Variants in NRG3 observed in about 807,000 individuals in gnomAD.
The protein encoded by NRG3 is pro-neuregulin-3, membrane-bound isoform.
In NRG3, 31 loss-of-function variants were observed where a neutral mutation model predicts 66.9. That is an observed-to-expected ratio of 0.46 (90% confidence interval 0.35 to 0.63). NRG3 has a LOEUF of 0.63. Among genes scored for constraint, NRG3 ranks in the 20% least tolerant of loss-of-function variants. NRG3 has a pLI of 0.00. For synonymous variants in NRG3, 393 were observed against 359.4 expected (o/e 1.09, Z -1.06); for missense variants, 910 against 878.9 (o/e 1.04, Z -0.45).
chr10:82,190,597 T>C (rs1686559347), intron 1 of NRG3, among the ~76,000 whole-genome samples: 2 of 152,212 alleles, frequency 1.3e-5, no homozygotes, highest in South Asian at 4.1e-4. Flanking sequence ...AATTGGGAGA[T>C]AGTGGTTTCA....
chr10:82,377,093 T>G (rs1276644998), intron 2 of NRG3, among the ~76,000 whole-genome samples: 2 of 152,228 alleles, frequency 1.3e-5, no homozygotes, highest in African/African-American at 4.8e-5. Context: ...CTTTGATTGA[T>G]GTATATTTTT....
At chr10:82,379,857 A>T (rs981851394) in intron 2 of NRG3, among the ~76,000 whole-genome samples, 1 of 150,534 alleles carries the variant, frequency 6.6e-6, no homozygotes, top group Non-Finnish European at 1.5e-5. Context: ...TGTAGGGCAT[A>T]AAAAAAAAGG....
intron 3 of NRG3, among the ~76,000 whole-genome samples, chr10:82,766,424 C>T (rs2059513806): frequency 6.6e-6 from 1 of 152,162 alleles, no homozygotes; most frequent in Non-Finnish European, 1.5e-5. Flanking sequence ...ACTTCTTTCA[C>T]ACTTTTGTCT....
intron 1 of NRG3, among the ~76,000 whole-genome samples, chr10:82,095,106 G>T (rs572888733): frequency 2.6e-5 from 4 of 152,030 alleles, no homozygotes; most frequent in African/African-American, 9.7e-5. Context: ...ATCCTACTGT[G>T]TGAAATTTGG....
chr10:82,609,849 A>G (rs929554072), intron 2 of NRG3, among the ~76,000 whole-genome samples: 1 of 152,222 alleles, frequency 6.6e-6, no homozygotes, highest in Admixed American at 6.5e-5. Context: ...TTTTCCATTT[A>G]TATCACAACA....
At chr10:82,408,102 A>G (rs189985236) in intron 2 of NRG3, among the ~76,000 whole-genome samples, 17 of 135,374 alleles carry the variant, frequency 1.3e-4, no homozygotes, top group African/African-American at 4.0e-4. Flanking sequence ...AAAGAAAGAA[A>G]GAAAGAAAGA....
At chr10:82,444,443 G>T (rs2090609441) in intron 2 of NRG3, among the ~76,000 whole-genome samples, 1 of 152,070 alleles carries the variant, frequency 6.6e-6, no homozygotes, top group Admixed American at 6.6e-5. Context: ...AGAAGAAGTT[G>T]GGATAATTCA....
intron 2 of NRG3, among the ~76,000 whole-genome samples, chr10:82,469,024 T>C (rs903241127): frequency 6.6e-6 from 1 of 152,226 alleles, no homozygotes; most frequent in African/African-American, 2.4e-5. Context: ...TCAGCTAGGT[T>C]TTAGCTTCTT....
At chr10:82,350,978 G>A (rs1160943702) in intron 1 of NRG3, among the ~76,000 whole-genome samples, 2 of 151,506 alleles carry the variant, frequency 1.3e-5, no homozygotes, top group African/African-American at 2.4e-5. Flanking sequence ...TGCAAGCTCC[G>A]CCTCCTGGGT....
Position 82,479,421 on chromosome 10 carries a change from G to C in NRG3, c.953+120553G>C, listed in dbSNP as rs139992357. On this transcript the variant is annotated intron_variant, in intron 2 of 8. Transcript: ENST00000372141. ...TTGGCACATAGTAAAAAAACTGGCC[G>C]GGCGCGGTGGCTCATGCCTGTAATC... is the stretch of plus-strand genomic sequence containing the variant. Among the ~76,000 whole-genome samples, 759 of 151,628 alleles carry C rather than the reference G, an allele frequency of 5.0e-3. 6 individuals are homozygous for C. The highest frequency in any genetic ancestry group is 0.014 in the African/African-American group (588 of 41,302).
At chr10:82,289,993 G>C (rs1195137585) in intron 1 of NRG3, among the ~76,000 whole-genome samples, 1 of 152,186 alleles carries the variant, frequency 6.6e-6, no homozygotes, top group Non-Finnish European at 1.5e-5. Flanking sequence ...TCAAGTAAGT[G>C]TATGGCATCT....
chr10:82,423,788 A>G (rs1056002471), intron 2 of NRG3, among the ~76,000 whole-genome samples: 3 of 151,978 alleles, frequency 2.0e-5, no homozygotes, highest in Non-Finnish European at 4.4e-5. Flanking sequence ...GAAACCTCAT[A>G]CCATTAGCTG....
intron 2 of NRG3, among the ~76,000 whole-genome samples, chr10:82,437,751 G>A (rs1368291449): frequency 2.0e-5 from 3 of 152,070 alleles, no homozygotes; most frequent in Admixed American, 6.5e-5. Context: ...TGTTGATGAT[G>A]CTATTGTTGT....
chr10:82,731,221 G>A (rs192860238), intron 2 of NRG3, among the ~76,000 whole-genome samples: 1 of 151,942 alleles, frequency 6.6e-6, no homozygotes, highest in African/African-American at 2.4e-5. Context: ...ACAAAACTTA[G>A]CCAGGCATGG....
At chr10:82,591,389 AG>A (rs1333611905) in intron 2 of NRG3, among the ~76,000 whole-genome samples, 3 of 152,254 alleles carry the variant, frequency 2.0e-5, no homozygotes, top group Non-Finnish European at 2.9e-5. Flanking sequence ...CAAACTTGGC[AG>A]GATCCCATGA....
chr10:82,375,604 C>T (rs919659380), intron 2 of NRG3, among the ~76,000 whole-genome samples: 1 of 151,484 alleles, frequency 6.6e-6, no homozygotes, highest in Admixed American at 6.6e-5. Flanking sequence ...CATGACAAAA[C>T]GCCAAAACGC....
chr10:82,019,556 C>T (rs1347520718), intron 1 of NRG3, among the ~76,000 whole-genome samples: 1 of 152,106 alleles, frequency 6.6e-6, no homozygotes, highest in African/African-American at 2.4e-5. Flanking sequence ...GGCTGTGAAT[C>T]CATCTGGTCC....
intron 3 of NRG3, among the ~76,000 whole-genome samples, chr10:82,865,079 A>T (rs1157493553): frequency 6.6e-6 from 1 of 152,212 alleles, no homozygotes; most frequent in Non-Finnish European, 1.5e-5. Context: ...TGAAAAGAAT[A>T]TTAGTGCCAG....
Position 82,707,978 on chromosome 10 carries a change from C to T in NRG3, c.954-30599C>T, listed in dbSNP as rs143183736. 5.5e-3 allele frequency among the ~76,000 whole-genome samples: 833 copies of T among 151,864 alleles called. 10 individuals carry two copies. The highest frequency in any genetic ancestry group is 0.019 in the African/African-American group (793 of 41,444). ...CAGAGGTTACAGTGAGCCAGGATCACGCCACTGCACTCCATCCTGGGCAAC... is the reference window on the plus strand; with the variant it reads ...CAGAGGTTACAGTGAGCCAGGATCATGCCACTGCACTCCATCCTGGGCAAC... On this transcript the variant is annotated intron_variant, in intron 2 of 8. Transcript: ENST00000372141.
Sources: allele counts gnomAD v4.1 joint callset (sites outside exome capture counted in the v4.1 genomes callset), GRCh38; gene constraint gnomAD v4.1.1; transcripts MANE v1.5; gene names NCBI Gene and HGNC (gene_info 2026-07-23, HGNC 2026-07-21).